The following PRDM5 variants were observed in gnomAD, a reference collection of about 807,000 sequenced individuals.
The protein encoded by PRDM5 is PR/SET domain 5, also known as PR domain zinc finger protein 5.
A neutral mutation model predicts 81.2 loss-of-function variants in PRDM5; 56 were observed. That is an observed-to-expected ratio of 0.69 (90% CI 0.56 to 0.86). The LOEUF is 0.86. Ranked by LOEUF, PRDM5 falls within the 40% of genes least tolerant of loss-of-function variation. The pLI is 0.00. For synonymous variants in PRDM5, 267 were observed against 256.4 expected (o/e 1.04, Z -0.39); for missense variants, 697 against 770.1 (o/e 0.91, Z 1.12).
chr4:120,754,695 G>T, intron 13 of PRDM5, 57 bp from the exon 14 acceptor site: 2 of 1,200,324 alleles, frequency 1.7e-6, no homozygotes, highest in Non-Finnish European at 2.5e-6. Flanking sequence ...AACCAGTCCT[G>T]TGCTATCACT....
chr4:120,764,603 A>G (rs1441565064), intron 13 of PRDM5, among the ~76,000 whole-genome samples: 1 of 152,138 alleles, frequency 6.6e-6, no homozygotes, highest in Non-Finnish European at 1.5e-5. Flanking sequence ...ACAGTGGAAG[A>G]AAGGGTACAT....
At position 120,922,573 on chromosome 4, in the gene PRDM5, C is replaced by A. The variant is rs755929725; in HGVS notation, c.36G>T (p.Leu12=). The change falls in exon 1 of 16, where the codon CTG becomes CTT. Residue 12 remains leucine (L), a synonymous_variant. Transcript: ENST00000264808. ...LGMYVPDRFS[L]KSSRVQDGMG... ...TGCCGTCCTGAACCCGGGAGGACTT[C>A]AGGGAGAACCTGTCCGGCACGTACA... The A allele has an allele frequency of 3.1e-6, 5 of 1,610,954 alleles. No individual in the cohort carries two copies. The highest frequency in any genetic ancestry group is 4.2e-6 in the Non-Finnish European group (5 of 1,179,140).
intron 2 of PRDM5, among the ~76,000 whole-genome samples, chr4:120,880,637 C>T (rs1333345995): frequency 6.6e-6 from 1 of 151,996 alleles, no homozygotes; most frequent in Non-Finnish European, 1.5e-5. Context: ...ACATTTTCGT[C>T]ATTAATATTT....
chr4:120,786,054 T>G (rs1749722630), intron 10 of PRDM5, among the ~76,000 whole-genome samples: 1 of 152,102 alleles, frequency 6.6e-6, no homozygotes, highest in African/African-American at 2.4e-5. Context: ...AAATCAAAAA[T>G]TAAACTATTA....
intron 1 of PRDM5, among the ~76,000 whole-genome samples, chr4:120,920,950 AT>A (rs1184245868): frequency 6.6e-6 from 1 of 152,224 alleles, no homozygotes; most frequent in Non-Finnish European, 1.5e-5. Context: ...CATGAAAAAA[AT>A]AAACTGAAAT....
chr4:120,794,614 T>C (rs989397256), intron 10 of PRDM5, among the ~76,000 whole-genome samples: 7 of 151,292 alleles, frequency 4.6e-5, no homozygotes, highest in African/African-American at 1.5e-4. Flanking sequence ...TTACTCTATA[T>C]TTTATATTCT....
chr4:120,872,116 A>C (rs1422213616), intron 2 of PRDM5, among the ~76,000 whole-genome samples: 1 of 131,876 alleles, frequency 7.6e-6, no homozygotes, highest in Non-Finnish European at 1.5e-5. Context: ...ACGCCACTGC[A>C]TTCCAGCCTG....
At chr4:120,888,122 T>C (rs1052670997) in intron 2 of PRDM5, among the ~76,000 whole-genome samples, 4 of 152,214 alleles carry the variant, frequency 2.6e-5, no homozygotes, top group East Asian at 1.9e-4. Context: ...TTCTGTCTTA[T>C]TATTTTAACT....
chr4:120,897,105 T>C (rs918824945), intron 2 of PRDM5: 1 of 151,704 alleles, frequency 6.6e-6, no homozygotes, highest in African/African-American at 2.4e-5. Context: ...ATGTGAACAA[T>C]GCTGTTAGCC....
intron 14 of PRDM5, among the ~76,000 whole-genome samples, chr4:120,734,723 CT>C (rs754320962): frequency 3.3e-5 from 5 of 152,056 alleles, no homozygotes; most frequent in Non-Finnish European, 4.4e-5. Context: ...GGCTTAGCCA[CT>C]TTTTTTTCCA....
intron 2 of PRDM5, among the ~76,000 whole-genome samples, chr4:120,883,820 T>C (rs1763112386): frequency 1.3e-5 from 2 of 152,190 alleles, no homozygotes. Flanking sequence ...AAATGAAACT[T>C]TGCACAAGAT....
intron 14 of PRDM5, among the ~76,000 whole-genome samples, chr4:120,734,688 G>A (rs982575702): frequency 1.3e-5 from 2 of 152,034 alleles, no homozygotes; most frequent in Admixed American, 6.6e-5. Context: ...GCTCCTTCCT[G>A]GTTTCCTTTT....
At chr4:120,848,257 T>G (rs568249825) in intron 3 of PRDM5, among the ~76,000 whole-genome samples, 1 of 152,306 alleles carries the variant, frequency 6.6e-6, no homozygotes, top group South Asian at 2.1e-4. Context: ...AAAATTAACC[T>G]GCTTTGAAAA....
intron 3 of PRDM5, chr4:120,839,114 C>T (rs1006395992): frequency 1.4e-5 from 9 of 634,976 alleles, no homozygotes; most frequent in African/African-American, 1.3e-4. Flanking sequence ...GAAGGAGTCA[C>T]AGCCCTGGCT....
At chr4:120,758,629 G>T (rs1353827739) in intron 13 of PRDM5, among the ~76,000 whole-genome samples, 1 of 152,124 alleles carries the variant, frequency 6.6e-6, no homozygotes, top group Non-Finnish European at 1.5e-5. Context: ...CAGGGAGCAT[G>T]GCCATGCAAG....
intron 14 of PRDM5, 21 bp from the exon 15 acceptor site, chr4:120,710,434 C>T (rs1291882461): frequency 1.9e-6 from 3 of 1,603,288 alleles, no homozygotes; most frequent in Non-Finnish European, 1.7e-6. Flanking sequence ...CAAAAAGAGA[C>T]CACCAAAATT....
intron 13 of PRDM5, among the ~76,000 whole-genome samples, chr4:120,756,923 T>G (rs1490687969): frequency 6.6e-6 from 1 of 152,218 alleles, no homozygotes; most frequent in Non-Finnish European, 1.5e-5. Context: ...AAGCCTAAGA[T>G]AATTCAATAT....
chr4:120,701,982 C>A lies in PRDM5; in HGVS notation c.1729-6707G>T, dbSNP rs528387948. 6.0e-4 allele frequency among the ~76,000 whole-genome samples: 91 copies of A among 152,182 alleles called. 1 individual carries two copies. Among genetic ancestry groups the A allele is most frequent in the Non-Finnish European group, 1.8e-4 (12 of 68,020 alleles). On this transcript the variant is annotated intron_variant, in intron 15 of 15. Transcript: ENST00000264808. ...TCATCCTCAAATAGAGGTGGTACAA[C>A]TTCCCCTCTCTGCAGGAAATGTTTG...
At chr4:120,811,732 T>C (rs554240004) in intron 7 of PRDM5, among the ~76,000 whole-genome samples, 1 of 152,208 alleles carries the variant, frequency 6.6e-6, no homozygotes, top group South Asian at 2.1e-4. Context: ...ATATACCTTT[T>C]CATAATTTTT....
Sources: allele counts gnomAD v4.1 joint callset (sites outside exome capture counted in the v4.1 genomes callset), GRCh38; gene constraint gnomAD v4.1.1; transcripts MANE v1.5; gene names NCBI Gene and HGNC (gene_info 2026-07-23, HGNC 2026-07-21).